ERBB4: variants seen among roughly 807,000 people sequenced by gnomAD.
The protein encoded by ERBB4 is erb-b2 receptor tyrosine kinase 4.
In ERBB4, 42 loss-of-function variants were observed where a neutral mutation model predicts 158.0. That is an observed-to-expected ratio of 0.27 (90% CI 0.21 to 0.34). The LOEUF (loss-of-function observed/expected upper bound fraction) is 0.34, where lower values mean the gene tolerates loss of function less well. ERBB4 is among the 10% of genes least tolerant of loss of function. ERBB4 has a pLI of 1.00. For missense variants in ERBB4, 1,333 were observed against 1,624.1 expected, an observed-to-expected ratio of 0.82 and a Z score of 3.08; for synonymous variants, 583 against 558.7, an observed-to-expected ratio of 1.04 and a Z score of -0.61.
intron 4 of ERBB4, among the ~76,000 whole-genome samples, chr2:211,752,149 GTGATAA>G (rs2075148530): frequency 6.6e-6 from 1 of 152,008 alleles, no homozygotes; most frequent in Admixed American, 6.6e-5. Flanking sequence ...ACTTTAATCA[GTGATAA>G]TGATAATTAT....
chr2:212,389,334 T>A (rs1277216619), intron 1 of ERBB4, among the ~76,000 whole-genome samples: 1 of 152,090 alleles, frequency 6.6e-6, no homozygotes, highest in Non-Finnish European at 1.5e-5. Context: ...CATATAGGCA[T>A]GTTGTGTCAG....
chr2:212,355,366 G>A (rs2089424314), intron 1 of ERBB4, among the ~76,000 whole-genome samples: 1 of 151,998 alleles, frequency 6.6e-6, no homozygotes, highest in African/African-American at 2.4e-5. Context: ...TGCATGGTGA[G>A]GGGAAACATG....
intron 1 of ERBB4, among the ~76,000 whole-genome samples, chr2:212,221,938 GCTT>G (rs2083302479): frequency 6.6e-6 from 1 of 151,552 alleles, no homozygotes; most frequent in African/African-American, 2.4e-5. Flanking sequence ...GGTAAGGCCA[GCTT>G]CTTAATTCTC....
At chr2:211,525,848 A>G (rs1475686021) in intron 20 of ERBB4, among the ~76,000 whole-genome samples, 1 of 152,060 alleles carries the variant, frequency 6.6e-6, no homozygotes, top group Non-Finnish European at 1.5e-5. Context: ...CCACAGGGTG[A>G]GTCTCCCCTT....
At chr2:211,428,131 G>GTTGA (rs1427307448) in intron 22 of ERBB4, among the ~76,000 whole-genome samples, 1 of 151,718 alleles carries the variant, frequency 6.6e-6, no homozygotes. Flanking sequence ...TAGATGACGG[G>GTTGA]TTGATAGGTA....
intron 20 of ERBB4, among the ~76,000 whole-genome samples, chr2:211,438,955 T>C (rs1201802251): frequency 6.6e-6 from 1 of 151,698 alleles, no homozygotes; most frequent in African/African-American, 2.4e-5. Flanking sequence ...TATTTGAAAT[T>C]TATTTTTCAC....
chr2:211,524,656 C>CT (rs1491410478), intron 20 of ERBB4, among the ~76,000 whole-genome samples: 1 of 148,242 alleles, frequency 6.7e-6, no homozygotes, highest in African/African-American at 2.6e-5. Context: ...CCGGCAGGGC[C>CT]GCCGGCTGCT....
intron 2 of ERBB4, among the ~76,000 whole-genome samples, chr2:211,960,313 G>A (rs1413431755): frequency 1.3e-5 from 2 of 151,820 alleles, no homozygotes; most frequent in African/African-American, 2.4e-5. Flanking sequence ...CCAATGATGA[G>A]GTAACTTAAA....
At chr2:212,393,865 A>G in intron 1 of ERBB4, among the ~76,000 whole-genome samples, 1 of 152,136 alleles carries the variant, frequency 6.6e-6, no homozygotes, top group East Asian at 1.9e-4. Context: ...ATGAAATAGT[A>G]AAAGAAGTCA....
chr2:211,872,325 G>C (rs773054987), intron 3 of ERBB4, among the ~76,000 whole-genome samples: 1 of 152,102 alleles, frequency 6.6e-6, no homozygotes, highest in Non-Finnish European at 1.5e-5. Context: ...TATTGTAAGA[G>C]AATTATTTTG....
intron 5 of ERBB4, among the ~76,000 whole-genome samples, chr2:211,744,531 CTTT>C (rs1441000967): frequency 2.0e-5 from 3 of 152,200 alleles, no homozygotes; most frequent in Non-Finnish European, 4.4e-5. Context: ...TGACCGGCTT[CTTT>C]GTTTCTCTGT....
chr2:212,157,184 G>A (rs1429017947), intron 1 of ERBB4, among the ~76,000 whole-genome samples: 1 of 151,964 alleles, frequency 6.6e-6, no homozygotes, highest in Non-Finnish European at 1.5e-5. Context: ...CACATATACT[G>A]ACGTTTTCCC....
intron 1 of ERBB4, among the ~76,000 whole-genome samples, chr2:212,443,981 A>G (rs571324756): frequency 6.6e-5 from 10 of 152,258 alleles, no homozygotes; most frequent in African/African-American, 2.2e-4. Context: ...GTGGGTCATA[A>G]AAATCAGCAT....
At chr2:211,783,763 G>A (rs927276389) in intron 4 of ERBB4, among the ~76,000 whole-genome samples, 10 of 152,066 alleles carry the variant, frequency 6.6e-5, no homozygotes, top group African/African-American at 1.4e-4. Context: ...TGTTAGATTC[G>A]GTTTGCCAGT....
At position 211,878,144 on chromosome 2, in the gene ERBB4, T is replaced by A. The variant is rs1279647071; in HGVS notation, c.421+69286A>T. ...ACAAACAACAACAAAAAACAATGTA[T>A]CACCGTAGAAATTAAAACAACTTTT... On this transcript the variant is annotated intron_variant, in intron 3 of 27. Transcript: ENST00000342788. Among the ~76,000 whole-genome samples the A allele has an allele frequency of 2.0e-5, 3 of 152,074 alleles. No homozygotes were observed. In the East Asian group the frequency reaches 5.8e-4, roughly 29 times the overall value.
intron 16 of ERBB4, among the ~76,000 whole-genome samples, chr2:211,642,846 A>C (rs1269817210): frequency 6.6e-6 from 1 of 152,198 alleles, no homozygotes; most frequent in Admixed American, 6.6e-5. Flanking sequence ...TAACAAAAGC[A>C]TAATTCTAAA....
intron 2 of ERBB4, among the ~76,000 whole-genome samples, chr2:212,085,918 AG>A (rs1308184567): frequency 1.3e-5 from 2 of 151,942 alleles, no homozygotes; most frequent in Non-Finnish European, 1.5e-5. Flanking sequence ...TCCAAAGATA[AG>A]AAGGGATATA....
chr2:212,058,514 T>A (rs1408596027), intron 2 of ERBB4, among the ~76,000 whole-genome samples: 1 of 152,194 alleles, frequency 6.6e-6, no homozygotes, highest in Non-Finnish European at 1.5e-5. Flanking sequence ...CCAATATCCC[T>A]GATGAACATC....
At chr2:211,701,527 T>C (rs1478546306) in intron 12 of ERBB4, among the ~76,000 whole-genome samples, 4 of 151,446 alleles carry the variant, frequency 2.6e-5, no homozygotes, top group South Asian at 2.1e-4. Context: ...GAGGCCAAGG[T>C]GGGCGGATCA....
Sources: gnomAD v4.1 joint callset for allele counts (sites outside exome capture counted in the v4.1 genomes callset) on GRCh38, gnomAD v4.1.1 for gene constraint, MANE v1.5 for transcripts, NCBI Gene and HGNC (gene_info 2026-07-23, HGNC 2026-07-21) for gene names.